Variants in STXBP5 observed in about 807,000 individuals in gnomAD.
The protein encoded by STXBP5 is syntaxin-binding protein 5.
Under a neutral mutation model 152.4 loss-of-function variants are expected in STXBP5, and 50 were observed. The ratio of observed to expected loss-of-function variants is 0.33; its 90% confidence interval spans 0.26 to 0.42. The LOEUF is 0.42. Among genes scored for constraint, STXBP5 ranks in the 10% least tolerant of loss-of-function variants. The pLI is 1.00. For synonymous variants in STXBP5, 492 were observed against 494.7 expected (o/e 0.99, Z 0.07); for missense variants, 1,167 against 1,388.6 (o/e 0.84, Z 2.54).
chr6:147,236,748 C>A (rs1302577240), intron 3 of STXBP5, among the ~76,000 whole-genome samples: 1 of 151,176 alleles, frequency 6.6e-6, no homozygotes, highest in African/African-American at 2.4e-5. Context: ...TGCTCACCCT[C>A]AGTCCCTGGC....
At chr6:147,361,816 G>A (rs1785079632) in intron 23 of STXBP5, among the ~76,000 whole-genome samples, 1 of 152,050 alleles carries the variant, frequency 6.6e-6, no homozygotes, top group African/African-American at 2.4e-5. Context: ...AGGACTCTTT[G>A]GGTGGACCAG....
At chr6:147,206,998 G>GAA (rs5880699) in intron 2 of STXBP5, among the ~76,000 whole-genome samples, 4 of 146,864 alleles carry the variant, frequency 2.7e-5, no homozygotes, top group East Asian at 4.0e-4. Flanking sequence ...GTGATAAATA[G>GAA]AAAAAAAAAA....
chr6:147,275,084 A>G (rs1780372459), intron 7 of STXBP5, among the ~76,000 whole-genome samples: 1 of 152,174 alleles, frequency 6.6e-6, no homozygotes, highest in African/African-American at 2.4e-5. Context: ...ATTCTACAAG[A>G]TGCTGTCTTG....
chr6:147,260,326 G>A (rs947305739), intron 4 of STXBP5, among the ~76,000 whole-genome samples: 1 of 152,072 alleles, frequency 6.6e-6, no homozygotes, highest in African/African-American at 2.4e-5. Context: ...GTAAATGTGT[G>A]GTATGCCCAA....
intron 25 of STXBP5, among the ~76,000 whole-genome samples, 156 bp from the exon 26 acceptor site, chr6:147,373,575 C>T (rs150452315): frequency 1.3e-5 from 2 of 152,202 alleles, no homozygotes; most frequent in African/African-American, 2.4e-5. Context: ...TAAATCAGCA[C>T]GTTCTGTATC....
Position 147,204,762 on chromosome 6 carries a change from G to A in STXBP5, c.150+80G>A. 7.4e-7 allele frequency: 1 copy of A among 1,351,372 alleles called. No homozygotes were observed. Among genetic ancestry groups the A allele is most frequent in the Non-Finnish European group, 9.8e-7 (1 of 1,015,512 alleles). The allele number at this position is 1,351,372 out of a possible 1,614,324, so 83.7% of individuals were successfully genotyped here. ...AAGGGGGCTACTCGGGCTTTACATG[G>A]GAATGCAAGGGAAGAGAACGCCAAT... On this transcript the variant is annotated intron_variant, in intron 1 of 27. Transcript: ENST00000321680. This position sits in a 1 kb window ranked among gnomAD's most constrained non-coding sequence, Gnocchi z 4.3.
rs1173028506 is a variant in STXBP5 at position 147,387,945 on chromosome 6, C to T, written c.*3190C>T. The T allele has an allele frequency of 1.3e-5, 2 of 151,700 alleles. No individual in the cohort carries two copies. The highest frequency in any genetic ancestry group is 3.0e-5 in the Non-Finnish European group (2 of 67,738). 9.4% of individuals were successfully genotyped at this position (151,700 alleles called of 1,614,324 possible). ...GAGGAAAGGAAGAATATGTGGAAGA[C>T]ACCACGGAGTTCAAAGTTTTACCCT... On this transcript the variant is annotated 3_prime_UTR_variant, in exon 28 of 28. Coordinates refer to ENST00000321680, the MANE Select transcript of STXBP5 (RefSeq NM_001127715.4).
chr6:147,372,194 TTAA>T (rs1329040861), intron 25 of STXBP5, among the ~76,000 whole-genome samples: 2 of 151,940 alleles, frequency 1.3e-5, no homozygotes, highest in Non-Finnish European at 2.9e-5. Flanking sequence ...TTGTGTAATG[TTAA>T]TAATTATTTC....
rs772196445 is a variant in STXBP5 at position 147,389,774 on chromosome 6, A to G, written c.*5019A>G. 1.3e-5 allele frequency: 2 copies of G among 151,808 alleles called. No individual in the cohort carries two copies. Among genetic ancestry groups the G allele is most frequent in the Non-Finnish European group, 2.9e-5 (2 of 67,844 alleles). The allele number at this position is 151,808 out of a possible 1,614,324, so 9.4% of individuals were successfully genotyped here. ...GACAGTGTAAGGAGTTGAAAATACAATCAACATAGCAATGGAAAGCAATGC... is the reference window on the plus strand; with the variant it reads ...GACAGTGTAAGGAGTTGAAAATACAGTCAACATAGCAATGGAAAGCAATGC... On this transcript the variant is annotated 3_prime_UTR_variant, in exon 28 of 28. Transcript: ENST00000321680.
At chr6:147,324,460 A>G (rs1413470595) in intron 16 of STXBP5, among the ~76,000 whole-genome samples, 1 of 151,422 alleles carries the variant, frequency 6.6e-6, no homozygotes, top group Non-Finnish European at 1.5e-5. Context: ...TTTGGTAGAG[A>G]CAGAGTTTCA....
intron 6 of STXBP5, among the ~76,000 whole-genome samples, chr6:147,264,885 C>T (rs1779815833): frequency 6.6e-6 from 1 of 151,938 alleles, no homozygotes; most frequent in Middle Eastern, 3.2e-3. Flanking sequence ...CCTTAGAATA[C>T]TAGAGCTGGC....
At chr6:147,256,868 A>G (rs1474105049) in intron 4 of STXBP5, among the ~76,000 whole-genome samples, 3 of 152,276 alleles carry the variant, frequency 2.0e-5, no homozygotes, top group Non-Finnish European at 2.9e-5. Flanking sequence ...GACATTTTCT[A>G]TTATGTTGGG....
At chr6:147,330,529 A>G (rs949479852) in intron 18 of STXBP5, among the ~76,000 whole-genome samples, 2 of 152,222 alleles carry the variant, frequency 1.3e-5, no homozygotes, top group Non-Finnish European at 2.9e-5. Context: ...CAAACATTTT[A>G]CATTTCAGCT....
chr6:147,376,221 GGT>G (rs1785803352), intron 26 of STXBP5, among the ~76,000 whole-genome samples: 1 of 152,180 alleles, frequency 6.6e-6, no homozygotes, highest in Non-Finnish European at 1.5e-5. Context: ...GTGGATTTAA[GGT>G]GATCTGAGAT....
intron 8 of STXBP5, among the ~76,000 whole-genome samples, chr6:147,284,052 A>G (rs1780833287): frequency 6.6e-6 from 1 of 152,202 alleles, no homozygotes; most frequent in African/African-American, 2.4e-5. Flanking sequence ...TTTAATCCCA[A>G]ATATGCAAAC....
At chr6:147,228,198 T>C (rs1037447126) in intron 2 of STXBP5, among the ~76,000 whole-genome samples, 1 of 152,056 alleles carries the variant, frequency 6.6e-6, no homozygotes, top group Non-Finnish European at 1.5e-5. Flanking sequence ...TTTCACTTTA[T>C]TGGAGCATAG....
chr6:147,322,839 A>G (rs1783006473), intron 16 of STXBP5, among the ~76,000 whole-genome samples: 1 of 152,220 alleles, frequency 6.6e-6, no homozygotes, highest in South Asian at 2.1e-4. Flanking sequence ...TGGTACAAGT[A>G]TAGCAGGTAT....
chr6:147,373,097 A>G (rs1052247997), intron 25 of STXBP5, among the ~76,000 whole-genome samples: 1 of 152,100 alleles, frequency 6.6e-6, no homozygotes, highest in African/African-American at 2.4e-5. Context: ...CTGGCTGGGC[A>G]TGGTGGCTCA....
chr6:147,235,456 C>A, intron 3 of STXBP5, 125 bp downstream of exon 3: 1 of 704,854 alleles, frequency 1.4e-6, no homozygotes, highest in Non-Finnish European at 2.3e-6. Flanking sequence ...TATAATGGAT[C>A]AGAAATAGTA....
Sources: gnomAD v4.1 joint callset for allele counts (sites outside exome capture counted in the v4.1 genomes callset) on GRCh38, gnomAD v4.1.1 for gene constraint, Gnocchi (gnomAD v3.1) non-coding constraint, MANE v1.5 for transcripts, NCBI Gene and HGNC (gene_info 2026-07-23, HGNC 2026-07-21) for gene names.